Variants in DTD1 observed in about 807,000 individuals in gnomAD.
The protein encoded by DTD1 is D-aminoacyl-tRNA deacylase 1.
Under a neutral mutation model 25.6 loss-of-function variants are expected in DTD1, and 13 were observed. The ratio of observed to expected loss-of-function variants is 0.51; its 90% CI spans 0.33 to 0.81. The LOEUF (loss-of-function observed/expected upper bound fraction) is 0.81. Ranked by LOEUF, DTD1 falls within the 30% of genes least tolerant of loss-of-function variation. DTD1 has a pLI of 0.02. For synonymous variants in DTD1, 110 were observed against 103.6 expected, an observed-to-expected ratio of 1.06 and a Z score of -0.37; for missense variants, 193 against 266.4, an observed-to-expected ratio of 0.72 and a Z score of 1.92.
chr20:18,634,966 T>C (rs989956009), intron 4 of DTD1, among the ~76,000 whole-genome samples: 1 of 152,182 alleles, frequency 6.6e-6, no homozygotes, highest in African/African-American at 2.4e-5. Flanking sequence ...GGAAGAATTA[T>C]GTTGTTGCTA....
chr20:18,708,215 T>TTAC, intron 4 of DTD1, among the ~76,000 whole-genome samples: 3 of 10,278 alleles, frequency 2.9e-4, no homozygotes, highest in Non-Finnish European at 1.1e-3. Flanking sequence ...ATTTTATATA[T>TTAC]ATAATATATA....
At chr20:18,632,138 G>A in intron 4 of DTD1, 1 of 983,230 alleles carries the variant, frequency 1.0e-6, no homozygotes, top group Non-Finnish European at 1.2e-6. Flanking sequence ...GCATCATGCT[G>A]TACACCTTAT....
chr20:18,744,184 C>A lies in DTD1; in HGVS notation c.562C>A (p.Pro188Thr). 1 of 1,612,296 alleles carries A rather than the reference C, an allele frequency of 6.2e-7. No individual in the cohort carries two copies. Among genetic ancestry groups the A allele is most frequent in the Non-Finnish European group, 8.5e-7 (1 of 1,180,016 alleles). ...PSESSKERNT[P>T]RKEDRSASSG... is the part of the protein sequence containing the mutation. ...TGAATCAAGCAAGGAAAGAAACACTCCCCGAAAAGAAGACCGCAGTGCCAG... is the reference window on the plus strand; with the variant it reads ...TGAATCAAGCAAGGAAAGAAACACTACCCGAAAAGAAGACCGCAGTGCCAG... Residue 188 changes from proline to threonine, a missense_variant, in exon 5 of 6, where the codon CCC (proline) becomes ACC (threonine). By Grantham distance (38) the Pro-to-Thr change is conservative. Transcript: ENST00000377452.
At chr20:18,712,628 CA>C (rs1213784183) in intron 4 of DTD1, among the ~76,000 whole-genome samples, 1 of 152,084 alleles carries the variant, frequency 6.6e-6, no homozygotes, top group Non-Finnish European at 1.5e-5. Context: ...AATTCCCTCC[CA>C]CAGGCTTTTC....
At chr20:18,757,226 A>G (rs911327035) in intron 5 of DTD1, among the ~76,000 whole-genome samples, 19 of 152,226 alleles carry the variant, frequency 1.2e-4, no homozygotes, top group African/African-American at 4.1e-4. Context: ...AACAGGGACA[A>G]TTTGACTTCC....
In DTD1 at chr20:18,697,354, A is replaced by G. The variant is rs545501960; in HGVS notation, c.478-46746A>G. 7.2e-5 allele frequency among the ~76,000 whole-genome samples: 11 copies of G among 152,306 alleles called. No individual in the cohort carries two copies. In the South Asian group the frequency reaches 2.3e-3, roughly 32 times the overall value. ...TTCATAGTGTTTTGCAGATATTCAC[A>G]TGTCCTTCTTATTGATGTAATTGTC... On this transcript the variant is annotated intron_variant, in intron 4 of 5. Transcript: ENST00000377452.
chr20:18,615,674 A>G (rs2060706378), intron 3 of DTD1, among the ~76,000 whole-genome samples: 1 of 152,246 alleles, frequency 6.6e-6, no homozygotes, highest in African/African-American at 2.4e-5. Context: ...AACATTCACT[A>G]GTCAGCTTTG....
At chr20:18,721,734 T>A (rs1390725187) in intron 4 of DTD1, among the ~76,000 whole-genome samples, 1 of 152,160 alleles carries the variant, frequency 6.6e-6, no homozygotes, top group East Asian at 1.9e-4. Context: ...AAAGCCAGGC[T>A]TGTTTCCTAT....
At chr20:18,629,203 T>C (rs1295443932) in intron 4 of DTD1, among the ~76,000 whole-genome samples, 13 of 150,616 alleles carry the variant, frequency 8.6e-5, no homozygotes, top group African/African-American at 3.2e-4. Flanking sequence ...TCCATGTTGG[T>C]CAGGCTGGTC....
chr20:18,743,481 C>T (rs2061286192), intron 4 of DTD1, among the ~76,000 whole-genome samples: 1 of 151,788 alleles, frequency 6.6e-6, no homozygotes, highest in South Asian at 2.1e-4. Context: ...GTTGCTTGAG[C>T]CCAGGAGTTC....
intron 5 of DTD1, among the ~76,000 whole-genome samples, chr20:18,746,412 A>C (rs2061300439): frequency 6.6e-6 from 1 of 152,198 alleles, no homozygotes; most frequent in Non-Finnish European, 1.5e-5. Flanking sequence ...AGTGAGATAT[A>C]TTAGGCCAGG....
intron 4 of DTD1, among the ~76,000 whole-genome samples, chr20:18,655,291 A>G (rs79488833): frequency 0.011 from 1,682 of 152,372 alleles, 20 homozygotes; most frequent in African/African-American, 0.028. Context: ...GAATGATTAT[A>G]GTAGACTAAT....
chr20:18,704,001 CTT>C (rs201452682), intron 4 of DTD1, among the ~76,000 whole-genome samples: 9 of 135,142 alleles, frequency 6.7e-5, no homozygotes, highest in Admixed American at 2.2e-4. Context: ...TAGTTGGTAG[CTT>C]TTTTTTTTTT....
intron 4 of DTD1, among the ~76,000 whole-genome samples, chr20:18,641,297 T>G (rs976889145): frequency 6.6e-6 from 1 of 152,248 alleles, no homozygotes. Flanking sequence ...AGCGCTGCTG[T>G]TAACATTGGT....
intron 2 of DTD1, 30 bp downstream of exon 2, chr20:18,593,851 A>G: frequency 6.3e-7 from 1 of 1,574,834 alleles, no homozygotes; most frequent in South Asian, 1.1e-5. Context: ...TTGCTGTTTG[A>G]GTGGGCTATG....
rs537395228 is a variant in DTD1, at chr20:18,732,482, C to T, written c.478-11618C>T. Reference sequence around the variant, plus strand: ...CTACAAAATGGTAAGGGTACACACACCAGGAGTACATGGGGGGCATGGCCA... The same window carrying T: ...CTACAAAATGGTAAGGGTACACACATCAGGAGTACATGGGGGGCATGGCCA... On this transcript the variant is annotated intron_variant, in intron 4 of 5. Coordinates refer to ENST00000377452, the MANE Select transcript of DTD1 (RefSeq NM_080820.6). Among the ~76,000 whole-genome samples, 158 of 152,288 alleles carry T rather than the reference C, an allele frequency of 1.0e-3. 1 individual carries two copies. The highest frequency in any genetic ancestry group is 2.0e-3 in the Non-Finnish European group (133 of 68,024).
chr20:18,708,219 A>T (rs186043178), intron 4 of DTD1, among the ~76,000 whole-genome samples: 20,818 of 39,964 alleles, frequency 0.52, 5,186 homozygotes, highest in Non-Finnish European at 0.61. Context: ...TATATATATA[A>T]TATATATATA....
chr20:18,707,759 G>A (rs779694307), intron 4 of DTD1, among the ~76,000 whole-genome samples: 97 of 151,578 alleles, frequency 6.4e-4, no homozygotes, highest in African/African-American at 2.2e-3. Context: ...ACACACGCGC[G>A]CACACACACA....
chr20:18,640,779 C>T (rs1364821071), intron 4 of DTD1, among the ~76,000 whole-genome samples: 4 of 151,888 alleles, frequency 2.6e-5, no homozygotes. Context: ...TACAGGCATG[C>T]GTCACCGTGC....
Sources: allele counts gnomAD v4.1 joint callset (sites outside exome capture counted in the v4.1 genomes callset), GRCh38; gene constraint gnomAD v4.1.1; transcripts MANE v1.5; gene names NCBI Gene and HGNC (gene_info 2026-07-23, HGNC 2026-07-21).